CTNNAL1: variants seen among roughly 807,000 people sequenced by gnomAD.
CTNNAL1 encodes the protein alpha-catulin.
A neutral mutation model predicts 93.6 loss-of-function variants in CTNNAL1; 69 were observed. That is an observed-to-expected ratio of 0.74 (90% CI 0.61 to 0.90). The LOEUF is 0.90. Among genes scored for constraint, CTNNAL1 ranks in the 40% least tolerant of loss-of-function variants. The pLI, the probability that CTNNAL1 is intolerant of heterozygous loss-of-function variation, is 0.00. For synonymous variants in CTNNAL1, 286 were observed against 305.4 expected, an observed-to-expected ratio of 0.94 and a Z score of 0.66; for missense variants, 836 against 862.0, an observed-to-expected ratio of 0.97 and a Z score of 0.38.
At position 108,965,387 on chromosome 9, in the gene CTNNAL1, C is replaced by T. The variant is rs1464710123; in HGVS notation, c.1582G>A (p.Gly528Arg). Residue 528 changes from glycine (G) to arginine (R), a missense_variant, in exon 11 of 19, where the codon GGA becomes AGA. Physicochemically the swap from Gly to Arg is moderately radical, Grantham distance 125 (BLOSUM62 -2). Transcript: ENST00000325551. The part of the protein sequence containing the change: ...LLREINDVFE[G>R]RRGEKYGYLS... ...GTGGACAGTTTCTCACCTCGTCTTC[C>T]TTCAAACACGTCATTGATTTCTCTC... 2.7e-6 allele frequency: 4 copies of T among 1,475,360 alleles called. No individual in the cohort carries two copies. In the South Asian group the frequency reaches 5.8e-5, roughly 21 times the overall value. 91.4% of individuals were successfully genotyped at this position (1,475,360 alleles called of 1,614,324 possible).
intron 11 of CTNNAL1, among the ~76,000 whole-genome samples, chr9:108,956,272 A>G (rs1248806059): frequency 1.3e-5 from 2 of 152,228 alleles, no homozygotes; most frequent in Non-Finnish European, 2.9e-5. Flanking sequence ...TCAGTCAGGG[A>G]AGAAGAAAAC....
chr9:108,992,075 G>A (rs777354245), intron 3 of CTNNAL1: 1 of 767,288 alleles, frequency 1.3e-6, no homozygotes, highest in African/African-American at 1.7e-5. Flanking sequence ...TCTCTGATTT[G>A]GGAGGGAAAA....
intron 8 of CTNNAL1, 31 bp from the exon 9 acceptor site, chr9:108,972,864 G>GGGGGGGGCCCCCCCCCCCCCCC: frequency 4.2e-5 from 6 of 142,542 alleles, no homozygotes; most frequent in East Asian, 2.2e-4. Context: ...GGGGGGGTGG[G>GGGGGGGGCCCCCCCCCCCCCCC]AGGGTGGAGA....
intron 14 of CTNNAL1, among the ~76,000 whole-genome samples, chr9:108,950,936 A>G (rs1830544062): frequency 6.6e-6 from 1 of 152,094 alleles, no homozygotes; most frequent in Admixed American, 6.6e-5. Flanking sequence ...AAATGTTACC[A>G]GCTCCCATCT....
intron 1 of CTNNAL1, among the ~76,000 whole-genome samples, chr9:109,012,191 C>T (rs538246544): frequency 6.6e-6 from 1 of 151,972 alleles, no homozygotes; most frequent in South Asian, 2.1e-4. Context: ...TGTGTAACTG[C>T]TGTTTTCAAA....
chr9:108,980,919 A>G (rs1446238784), intron 6 of CTNNAL1, among the ~76,000 whole-genome samples: 1 of 152,198 alleles, frequency 6.6e-6, no homozygotes, highest in Non-Finnish European at 1.5e-5. Context: ...GTTTCATAAC[A>G]TTTGTCCATA....
At chr9:108,964,997 T>C (rs1830916524) in intron 11 of CTNNAL1, among the ~76,000 whole-genome samples, 1 of 152,062 alleles carries the variant, frequency 6.6e-6, no homozygotes, top group African/African-American at 2.4e-5. Context: ...GTATCTGGGA[T>C]TACAGGCGCA....
chr9:108,960,014 T>G (rs545713088), intron 11 of CTNNAL1, among the ~76,000 whole-genome samples: 2 of 152,342 alleles, frequency 1.3e-5, no homozygotes, highest in East Asian at 3.9e-4. Flanking sequence ...AGCCTTATCA[T>G]TTCACTGAAA....
At chr9:108,969,245 G>T (rs1381485856) in intron 10 of CTNNAL1, among the ~76,000 whole-genome samples, 1 of 151,768 alleles carries the variant, frequency 6.6e-6, no homozygotes, top group African/African-American at 2.4e-5. Flanking sequence ...ACTCCAGCCT[G>T]GGCGACAGAG....
At chr9:109,009,703 A>T (rs555564063) in intron 1 of CTNNAL1, among the ~76,000 whole-genome samples, 2 of 152,370 alleles carry the variant, frequency 1.3e-5, no homozygotes, top group East Asian at 3.9e-4. Context: ...CTTCAGAATT[A>T]CTTTTATCAA....
chr9:108,991,311 T>C (rs1427602453), intron 3 of CTNNAL1, among the ~76,000 whole-genome samples: 2 of 152,152 alleles, frequency 1.3e-5, no homozygotes, highest in African/African-American at 2.4e-5. Context: ...CTTCAGAGTA[T>C]AGAGTCGAAA....
chr9:108,960,412 C>T (rs1266031939), intron 11 of CTNNAL1, among the ~76,000 whole-genome samples: 2 of 152,178 alleles, frequency 1.3e-5, no homozygotes, highest in Non-Finnish European at 2.9e-5. Flanking sequence ...CAAACAAACT[C>T]ATCTTTACCC....
intron 1 of CTNNAL1, among the ~76,000 whole-genome samples, chr9:109,006,920 T>TA (rs145699891): frequency 0.072 from 10,936 of 152,136 alleles, 501 homozygotes; most frequent in East Asian, 0.15. Context: ...AAAATGGAAA[T>TA]AATAATTGTA....
chr9:108,952,090 G>A (rs1830578680), intron 14 of CTNNAL1, 119 bp downstream of exon 14: 1 of 781,454 alleles, frequency 1.3e-6, no homozygotes, highest in African/African-American at 1.8e-5. Flanking sequence ...ACTACTTTTA[G>A]TCTTTTTACC....
intron 3 of CTNNAL1, chr9:108,991,874 G>C: frequency 1.7e-6 from 1 of 576,872 alleles, no homozygotes; most frequent in South Asian, 2.0e-5. Context: ...TACATACCCT[G>C]GATTCCCAGA....
chr9:108,963,845 CT>C (rs766848337), intron 11 of CTNNAL1, among the ~76,000 whole-genome samples: 1 of 152,204 alleles, frequency 6.6e-6, no homozygotes, highest in Non-Finnish European at 1.5e-5. Flanking sequence ...TCACAAAAGA[CT>C]TTTAGAGCTG....
chr9:108,947,549 G>C (rs1020381772), intron 15 of CTNNAL1, among the ~76,000 whole-genome samples: 1 of 152,098 alleles, frequency 6.6e-6, no homozygotes, highest in African/African-American at 2.4e-5. Flanking sequence ...GCTAACATGG[G>C]GATCAGGGAA....
intron 8 of CTNNAL1, among the ~76,000 whole-genome samples, chr9:108,974,898 G>A (rs1831217607): frequency 6.6e-6 from 1 of 152,132 alleles, no homozygotes; most frequent in Admixed American, 6.6e-5. Context: ...AAGGAATTAA[G>A]CCTGGGTGCA....
chr9:108,992,790 T>A lies in CTNNAL1; in HGVS notation c.361A>T (p.Thr121Ser). The change falls in exon 3 of 19, where the codon ACC (threonine) becomes TCC (serine). Residue 121 changes from threonine to serine, a missense_variant. Thr to Ser is a moderately conservative substitution (Grantham distance 58). Transcript: ENST00000325551. ...GETIAALTDITNLNHLESDGQ... is the reference protein window; with the variant it reads ...GETIAALTDISNLNHLESDGQ... ...TCAGATTCCAGATGGTTCAAGTTGGTTATGTCTGTAAGTGCTGCAATTGTT... is the reference window on the plus strand; with the variant it reads ...TCAGATTCCAGATGGTTCAAGTTGGATATGTCTGTAAGTGCTGCAATTGTT... The A allele has an allele frequency of 6.2e-7, 1 of 1,613,234 alleles. No individual in the cohort carries two copies. The highest frequency in any genetic ancestry group is 8.5e-7 in the Non-Finnish European group (1 of 1,179,688).
Sources: gnomAD v4.1 joint callset for allele counts (sites outside exome capture counted in the v4.1 genomes callset) on GRCh38, gnomAD v4.1.1 for gene constraint, MANE v1.5 for transcripts, NCBI Gene and HGNC (gene_info 2026-07-23, HGNC 2026-07-21) for gene names.